Variants in TKTL1 observed in about 807,000 individuals in gnomAD.
TKTL1 encodes the protein transketolase like 1.
In TKTL1, 1 loss-of-function variant was observed where a neutral mutation model predicts 39.3. The observed-to-expected ratio is 0.03, with a 90% CI of 0.01 to 0.12. The LOEUF (loss-of-function observed/expected upper bound fraction) is 0.12, where lower values mean the gene tolerates loss of function less well. TKTL1 is among the 10% of genes least tolerant of loss of function. The pLI is 1.00. For synonymous variants in TKTL1, 262 were observed against 193.8 expected (o/e 1.35, Z -2.92); for missense variants, 575 against 509.6 (o/e 1.13, Z -1.24).
chrX:154,297,345 T>C (rs2067238435), intron 1 of TKTL1, among the ~76,000 whole-genome samples: 2 of 110,389 alleles, frequency 1.8e-5, no homozygotes, highest in South Asian at 7.8e-4. Context: ...AAGCTCCGCC[T>C]CCTGGGTTCA....
Position 154,295,842 on chromosome X carries a change from T to C in TKTL1, c.-18T>C, listed in dbSNP as rs375671283. On this transcript the variant is annotated 5_prime_UTR_variant, in exon 1 of 13. Transcript: ENST00000369915. The stretch of plus-strand genomic sequence containing the variant: ...GAGACGTAGGAGTGGGTCTTCAGAC[T>C]CCAAAGGGGTTGGACTAATGGCGGA... The C allele has an allele frequency of 5.1e-5, 62 of 1,206,411 alleles. No homozygotes were observed. Among genetic ancestry groups the C allele is most frequent in the Non-Finnish European group, 6.9e-5 (62 of 893,451 alleles).
rs1411872509 is a variant in TKTL1, at chrX:154,330,018, C to T, written c.*330C>T. The T allele has an allele frequency of 5.5e-6, 1 of 182,160 alleles. No individual in the cohort carries two copies. Among genetic ancestry groups the T allele is most frequent in the Non-Finnish European group, 1.0e-5 (1 of 97,876 alleles). The allele number at this position is 182,160 out of a possible 1,213,427, so 15.0% of individuals were successfully genotyped here. ...GGTAATCAATTCTTCCGAAGTGTTT[C>T]CTTCGTGAATAACTGGTAGAGGTAA... On this transcript the variant is annotated 3_prime_UTR_variant, in exon 13 of 13. Transcript: ENST00000369915.
At position 154,320,916 on chromosome X, in the gene TKTL1, A is replaced by G. The variant is rs1448862203; in HGVS notation, c.1186+3A>G. On this transcript the variant is annotated splice_donor_region_variant and intron_variant, in intron 8 of 12. Coordinates refer to ENST00000369915, the MANE Select transcript of TKTL1 (RefSeq NM_012253.4). ...TTCCCACTGTGGGGTATCTGTTGGT[A>G]AGGGTTCTAAATGCCATCATCTTGG... 1 of 1,208,803 alleles carries G rather than the reference A, an allele frequency of 8.3e-7. No individual in the cohort carries two copies. Among genetic ancestry groups the G allele is most frequent in the Non-Finnish European group, 1.1e-6 (1 of 893,948 alleles).
Position 154,310,836 on chromosome X carries a change from C to G in TKTL1, c.351C>G (p.Ser117Arg). 9 of 1,209,029 alleles carry G rather than the reference C, an allele frequency of 7.4e-6. No homozygotes were observed. The highest frequency in any genetic ancestry group is 9.0e-6 in the Non-Finnish European group (8 of 893,727). The change falls in exon 4 of 13, where the codon AGC becomes AGG. Residue 117 changes from serine (S) to arginine (R), a missense_variant and splice_region_variant. Physicochemically the swap from Ser to Arg is moderately radical, Grantham distance 110. Coordinates refer to ENST00000369915, the MANE Select transcript of TKTL1 (RefSeq NM_012253.4). ...CTAAACCTCTCTTGTCTTGCTCCAG[C>G]TACCGGGTGTTCTGCCTCATGAGTG... ...AYTGKYFDRA[S>R]YRVFCLMSDG...
chrX:154,323,221 T>C lies in TKTL1; in HGVS notation c.1201T>C (p.Ser401Pro). 8.3e-7 allele frequency: 1 copy of C among 1,210,844 alleles called. No homozygotes were observed. Among genetic ancestry groups the C allele is most frequent in the Admixed American group, 2.2e-5 (1 of 45,881 alleles). The change falls in exon 9 of 13, where the codon TCC (serine) becomes CCC (proline). Residue 401 changes from serine to proline, a missense_variant. Physicochemically the swap from Ser to Pro is moderately conservative, Grantham distance 74 (BLOSUM62 -1). Transcript: ENST00000369915. ...CGVSVGDDGASQMALEDIAMF... is the reference protein window; with the variant it reads ...CGVSVGDDGAPQMALEDIAMF... ...GGTTCTCTCAGGTGACGATGGTGCT[T>C]CCCAGATGGCCCTGGAGGATATAGC...
intron 7 of TKTL1, chrX:154,320,376 T>C (rs1557170322): frequency 4.9e-6 from 1 of 202,202 alleles, no homozygotes; most frequent in Non-Finnish European, 9.1e-6. Flanking sequence ...TGAATGGAAA[T>C]AGAATGATCC....
chrX:154,325,720 A>G (rs781832509), intron 10 of TKTL1, among the ~76,000 whole-genome samples: 1 of 112,644 alleles, frequency 8.9e-6, no homozygotes, highest in East Asian at 2.8e-4. Context: ...CGCAAGCTAA[A>G]CAAAACAGAA....
At chrX:154,323,092 G>C in intron 8 of TKTL1, 115 bp from the exon 9 acceptor site, 1 of 981,538 alleles carries the variant, frequency 1.0e-6, no homozygotes, top group Non-Finnish European at 1.4e-6. Context: ...CTCTGCTACA[G>C]CTCGGGACAC....
chrX:154,297,075 G>A (rs1248522703), intron 1 of TKTL1, among the ~76,000 whole-genome samples: 4 of 111,346 alleles, frequency 3.6e-5, no homozygotes, highest in Non-Finnish European at 7.5e-5. Context: ...AGGATCGCTT[G>A]AGCCCAGGAG....
chrX:154,303,079 T>G (rs1356816196), intron 1 of TKTL1, among the ~76,000 whole-genome samples: 1 of 111,367 alleles, frequency 9.0e-6, no homozygotes, highest in Non-Finnish European at 1.9e-5. Flanking sequence ...CCCATTGCAT[T>G]AGCGCACAAA....
At chrX:154,318,253 G>A (rs1405151628) in intron 7 of TKTL1, among the ~76,000 whole-genome samples, 4 of 109,906 alleles carry the variant, frequency 3.6e-5, no homozygotes, top group East Asian at 5.7e-4. Flanking sequence ...AATTTAAGTC[G>A]TTGCAAAGGA....
chrX:154,316,732 GTTT>G (rs1453222475), intron 7 of TKTL1, among the ~76,000 whole-genome samples: 1 of 106,969 alleles, frequency 9.3e-6, no homozygotes, highest in African/African-American at 3.4e-5. Flanking sequence ...GGCCATTTGG[GTTT>G]TTTGTTGTTT....
At chrX:154,325,170 C>T (rs1222688607) in intron 9 of TKTL1, among the ~76,000 whole-genome samples, 169 bp from the exon 10 acceptor site, 1 of 112,094 alleles carries the variant, frequency 8.9e-6, no homozygotes, top group African/African-American at 3.2e-5. Context: ...CCCCAAGGTC[C>T]TGCTGGGACC....
At chrX:154,308,880 CTGGTTTCTGTTTT>C (rs1185384067) in intron 2 of TKTL1, among the ~76,000 whole-genome samples, 3 of 111,076 alleles carry the variant, frequency 2.7e-5, no homozygotes, top group African/African-American at 9.8e-5. Flanking sequence ...TATTCTCTTT[CTGGTTTCTGTTTT>C]AAGAATCCAT....
At chrX:154,319,128 CCTTA>C (rs782330048) in intron 7 of TKTL1, among the ~76,000 whole-genome samples, 3 of 111,383 alleles carry the variant, frequency 2.7e-5, no homozygotes, top group Non-Finnish European at 5.7e-5. Context: ...TGCTATGAAA[CCTTA>C]CTTACATGAA....
chrX:154,309,219 G>A (rs1557167773), intron 2 of TKTL1, 126 bp from the exon 3 acceptor site: 7 of 551,470 alleles, frequency 1.3e-5, no homozygotes, highest in Non-Finnish European at 3.2e-6. Context: ...CCAGCAGGGC[G>A]GGAGGGGCTG....
chrX:154,298,732 T>C (rs1267258596), intron 1 of TKTL1, among the ~76,000 whole-genome samples: 4 of 112,445 alleles, frequency 3.6e-5, no homozygotes, highest in South Asian at 7.2e-4. Context: ...ATTTTTTCTA[T>C]TTTCTTAGTC....
chrX:154,303,414 A>G lies in TKTL1; in HGVS notation c.135-1890A>G, dbSNP rs1427191594. On this transcript the variant is annotated intron_variant, in intron 1 of 12. Coordinates refer to ENST00000369915, the MANE Select transcript of TKTL1 (RefSeq NM_012253.4). ...TTTTTTTTTTTTTTTTTTTTTTTGG[A>G]AAGACGAGGTTTCACCATGTTGCCC... 1.3e-4 allele frequency among the ~76,000 whole-genome samples: 6 copies of G among 46,645 alleles called. No individual in the cohort carries two copies. The East Asian group carries it at 4.1e-3, about 32-fold the overall frequency. The allele number at this position is 46,645 out of a possible 115,157, so 40.5% of individuals were successfully genotyped here.
chrX:154,303,450 C>CA (rs1264082062), intron 1 of TKTL1, among the ~76,000 whole-genome samples: 2 of 81,712 alleles, frequency 2.4e-5, no homozygotes, highest in East Asian at 4.2e-4. Flanking sequence ...ATGCTGGTCT[C>CA]AAACTCCTGG....
Sources: allele counts gnomAD v4.1 joint callset (sites outside exome capture counted in the v4.1 genomes callset), GRCh38; gene constraint gnomAD v4.1.1; transcripts MANE v1.5; gene names NCBI Gene and HGNC (gene_info 2026-07-23, HGNC 2026-07-21).